The following NPEPPS variants were observed in gnomAD, a reference collection of about 807,000 sequenced individuals.
The protein encoded by NPEPPS is puromycin-sensitive aminopeptidase.
In NPEPPS, 14 loss-of-function variants were observed where a neutral mutation model predicts 115.5. The ratio of observed to expected loss-of-function variants is 0.12; its 90% CI spans 0.08 to 0.19. NPEPPS has a LOEUF of 0.19. Ranked by LOEUF, NPEPPS falls within the 10% of genes least tolerant of loss-of-function variation. The pLI is 1.00. For missense variants in NPEPPS, 523 were observed against 1,110.8 expected (o/e 0.47, Z 7.52); for synonymous variants, 285 against 390.6 (o/e 0.73, Z 3.19).
intron 1 of NPEPPS, among the ~76,000 whole-genome samples, chr17:47,532,478 C>T (rs1412152253): frequency 1.3e-5 from 2 of 151,628 alleles, no homozygotes; most frequent in African/African-American, 2.4e-5. Flanking sequence ...CATGGTGAAA[C>T]CCCCGTCTCT....
At chr17:47,590,673 C>T (rs1180567724) in intron 9 of NPEPPS, 44 bp from the exon 10 acceptor site, 2 of 1,576,532 alleles carry the variant, frequency 1.3e-6, no homozygotes, top group Non-Finnish European at 1.7e-6. Flanking sequence ...AGTAGAATGA[C>T]AATCATTTCA....
chr17:47,608,578 G>A (rs1025831427), intron 17 of NPEPPS, among the ~76,000 whole-genome samples: 5 of 152,030 alleles, frequency 3.3e-5, no homozygotes, highest in Non-Finnish European at 7.4e-5. Flanking sequence ...TTCAAGCCCA[G>A]CATGGGCAAC....
intron 2 of NPEPPS, among the ~76,000 whole-genome samples, chr17:47,557,081 T>G (rs1910096535): frequency 6.7e-6 from 1 of 150,124 alleles, no homozygotes; most frequent in South Asian, 2.1e-4. Context: ...CTTTGCAAGG[T>G]TTTTTTTTTA....
chr17:47,578,073 T>C (rs1911633664), intron 3 of NPEPPS, among the ~76,000 whole-genome samples: 1 of 151,890 alleles, frequency 6.6e-6, no homozygotes, highest in African/African-American at 2.4e-5. Flanking sequence ...GGCGTGGTGA[T>C]GCCCGCCTGT....
rs1316463979 is a variant in NPEPPS, at chr17:47,538,615, C to T, written c.255+7060C>T. The stretch of plus-strand genomic sequence containing the variant: ...CGTGATCTCAGCTCACTGCAACCTC[C>T]GCCTCCCGGGTTTAAGCGATTCTCC... On this transcript the variant is annotated intron_variant, in intron 1 of 22. Transcript: ENST00000322157. Among the ~76,000 whole-genome samples the T allele has an allele frequency of 5.3e-5, 8 of 150,878 alleles. No individual in the cohort carries two copies. In the Middle Eastern group the frequency reaches 0.01, roughly 194 times the overall value.
Position 47,592,541 on chromosome 17 carries a change from C to T in NPEPPS, c.1422C>T (p.Ala474=), listed in dbSNP as rs1479851065. The T allele has an allele frequency of 1.3e-6, 2 of 1,593,958 alleles. No homozygotes were observed. The highest frequency in any genetic ancestry group is 2.3e-5 in the South Asian group (2 of 87,588). ...CCAAGTTCCAACAAAAGAATGCTGC[C>T]ACAGGTAATCTCTAATAGCTTGAGA... is the stretch of plus-strand genomic sequence containing the variant. ...YLTKFQQKNA[A]TEDLWESLEN... Residue 474 remains alanine (A), a synonymous_variant, in exon 12 of 23, where the codon GCC becomes GCT. Transcript: ENST00000322157.
chr17:47,553,181 A>T lies in NPEPPS; in HGVS notation c.340+7188A>T, dbSNP rs370098433. 1.3e-4 allele frequency among the ~76,000 whole-genome samples: 20 copies of T among 152,076 alleles called. No individual in the cohort carries two copies. The East Asian group carries it at 2.5e-3, about 19-fold the overall frequency. On this transcript the variant is annotated intron_variant, in intron 2 of 22. Coordinates refer to ENST00000322157, the MANE Select transcript of NPEPPS (RefSeq NM_006310.4). ...CAGGAGTTCAAGACCAGCCTGGCCA[A>T]CATGGTGAAACCTCGTCTCTACTAA... is the stretch of plus-strand genomic sequence containing the variant.
upstream of NPEPPS, among the ~76,000 whole-genome samples, chr17:47,527,583 C>A (rs994964625): frequency 6.6e-6 from 1 of 151,452 alleles, no homozygotes; most frequent in Non-Finnish European, 1.5e-5. Flanking sequence ...ATGGGCTGGG[C>A]GTGGTGGTTC....
rs112631441 is a variant in NPEPPS at position 47,588,437 on chromosome 17, G to A, written c.1095+1093G>A. On this transcript the variant is annotated intron_variant, in intron 9 of 22. Transcript: ENST00000322157. ...AAATTAGCTGGGCGTGGTGGTGTGC[G>A]CCTGTAATCCTAGCTACTCTGGAGG... Among the ~76,000 whole-genome samples the A allele has an allele frequency of 3.3e-5, 5 of 151,954 alleles. No individual in the cohort carries two copies. In the East Asian group the frequency reaches 5.8e-4, roughly 18 times the overall value.
intron 3 of NPEPPS, among the ~76,000 whole-genome samples, chr17:47,575,580 AATT>A (rs10646632): frequency 0.083 from 11,968 of 143,980 alleles, 708 homozygotes; most frequent in East Asian, 0.17. Context: ...GACAATATTG[AATT>A]ATTATTATTA....
At chr17:47,595,718 C>T (rs1034694409) in intron 12 of NPEPPS, among the ~76,000 whole-genome samples, 12 of 151,892 alleles carry the variant, frequency 7.9e-5, no homozygotes, top group African/African-American at 2.7e-4. Flanking sequence ...TGCGGTGGCT[C>T]ATGCCTGTAA....
chr17:47,574,000 G>A (rs879531181), intron 3 of NPEPPS, among the ~76,000 whole-genome samples: 10 of 152,030 alleles, frequency 6.6e-5, no homozygotes, highest in African/African-American at 2.4e-4. Flanking sequence ...TATATATTTG[G>A]AAAAATTACA....
At chr17:47,542,551 A>G (rs989195247) in intron 1 of NPEPPS, among the ~76,000 whole-genome samples, 4 of 151,646 alleles carry the variant, frequency 2.6e-5, no homozygotes, top group African/African-American at 7.2e-5. Context: ...CGTCTCAAAA[A>G]AAAAAAAAAA....
chr17:47,585,435 C>G, intron 5 of NPEPPS, 65 bp from the exon 6 acceptor site: 1 of 1,139,940 alleles, frequency 8.8e-7, no homozygotes, highest in Non-Finnish European at 1.3e-6. Flanking sequence ...CAGTTTTTGG[C>G]TGGTATTTGC....
chr17:47,578,665 A>G (rs1236799022), intron 3 of NPEPPS, among the ~76,000 whole-genome samples: 1 of 152,074 alleles, frequency 6.6e-6, no homozygotes, highest in East Asian at 1.9e-4. Flanking sequence ...TATTAATTAA[A>G]TGTATTTCTT....
At chr17:47,546,549 T>A (rs1048590650) in intron 2 of NPEPPS, among the ~76,000 whole-genome samples, 5 of 151,998 alleles carry the variant, frequency 3.3e-5, no homozygotes, top group African/African-American at 1.2e-4. Flanking sequence ...TTTATTTTTA[T>A]TTTTTTTGAG....
At chr17:47,597,456 A>C in intron 13 of NPEPPS, among the ~76,000 whole-genome samples, 1 of 152,154 alleles carries the variant, frequency 6.6e-6, no homozygotes, top group East Asian at 1.9e-4. Flanking sequence ...AAGTGGATTC[A>C]TAGTTCTTTT....
At chr17:47,527,991 A>AT (rs1033342222), upstream of NPEPPS, among the ~76,000 whole-genome samples, 49 of 151,360 alleles carry the variant, frequency 3.2e-4, no homozygotes, top group African/African-American at 1.2e-3. Flanking sequence ...AAAACATTCA[A>AT]TTACAGTTAA....
At chr17:47,539,437 A>G (rs111840400) in intron 1 of NPEPPS, among the ~76,000 whole-genome samples, 2 of 152,132 alleles carry the variant, frequency 1.3e-5, no homozygotes, top group Non-Finnish European at 2.9e-5. Context: ...AAATTAGGAA[A>G]TATTTTAGAA....
Sources: allele counts gnomAD v4.1 joint callset (sites outside exome capture counted in the v4.1 genomes callset), GRCh38; gene constraint gnomAD v4.1.1; transcripts MANE v1.5; gene names NCBI Gene and HGNC (gene_info 2026-07-23, HGNC 2026-07-21).